The following CSMD1 variants were observed in gnomAD, a reference collection of about 807,000 sequenced individuals.
CSMD1 encodes CUB and sushi domain-containing protein 1.
CSMD1 carries 213 observed loss-of-function variants against 417.5 expected under a neutral mutation model. That is an observed-to-expected ratio of 0.51 (90% CI 0.46 to 0.57). CSMD1 has a LOEUF of 0.57. Among genes scored for constraint, CSMD1 ranks in the 20% least tolerant of loss-of-function variants. The pLI is 0.00. For missense variants in CSMD1, 6,923 were observed against 4,529.7 expected, an observed-to-expected ratio of 1.53 and a Z score of -15.17; for synonymous variants, 2,862 against 1,736.8, an observed-to-expected ratio of 1.65 and a Z score of -16.11.
intron 26 of CSMD1, among the ~76,000 whole-genome samples, chr8:3,267,541 G>A (rs994931616): frequency 1.9e-4 from 29 of 152,162 alleles, no homozygotes; most frequent in African/African-American, 6.8e-4. Flanking sequence ...GGCAGATGCT[G>A]GGCCAGGGAG....
intron 1 of CSMD1, among the ~76,000 whole-genome samples, chr8:4,874,689 T>C (rs1802940125): frequency 6.6e-6 from 1 of 151,942 alleles, no homozygotes; most frequent in African/African-American, 2.4e-5. Context: ...GTAGAATAGC[T>C]AACAGTGAAT....
chr8:4,922,303 T>C, intron 1 of CSMD1, among the ~76,000 whole-genome samples: 1 of 152,224 alleles, frequency 6.6e-6, no homozygotes, highest in Admixed American at 6.5e-5. Context: ...TCATTGATTC[T>C]TGTTACATAA....
intron 1 of CSMD1, chr8:4,788,718 T>C (rs1797538273): frequency 2.1e-6 from 1 of 472,414 alleles, no homozygotes; most frequent in Admixed American, 3.7e-5. Flanking sequence ...AATCAATGCT[T>C]CTCTAGATCC....
chr8:4,446,013 C>G (rs1191027655), intron 2 of CSMD1, among the ~76,000 whole-genome samples: 1 of 152,114 alleles, frequency 6.6e-6, no homozygotes, highest in Non-Finnish European at 1.5e-5. Flanking sequence ...CACCCTGACT[C>G]TGTGCCAACT....
chr8:3,875,874 C>T (rs932073897), intron 5 of CSMD1, among the ~76,000 whole-genome samples: 1 of 152,142 alleles, frequency 6.6e-6, no homozygotes, highest in African/African-American at 2.4e-5. Context: ...GAGTGTGTTC[C>T]AAACTTGGTA....
chr8:4,829,387 G>C (rs1018969636), intron 1 of CSMD1, among the ~76,000 whole-genome samples: 2 of 152,098 alleles, frequency 1.3e-5, no homozygotes, highest in Admixed American at 1.3e-4. Context: ...TAAAAACGTA[G>C]AGATACAAAG....
chr8:3,233,409 G>A (rs1004338239), intron 26 of CSMD1, among the ~76,000 whole-genome samples: 1 of 152,138 alleles, frequency 6.6e-6, no homozygotes, highest in African/African-American at 2.4e-5. Flanking sequence ...GTGGTCCCTC[G>A]ACCTTGGACT....
intron 3 of CSMD1, among the ~76,000 whole-genome samples, chr8:4,255,411 A>T (rs1803385138): frequency 6.6e-6 from 1 of 152,230 alleles, no homozygotes; most frequent in Non-Finnish European, 1.5e-5. Context: ...CAATATGCAA[A>T]CAGTAAAAAT....
chr8:3,782,913 A>C (rs1367469272), intron 5 of CSMD1, among the ~76,000 whole-genome samples: 1 of 152,170 alleles, frequency 6.6e-6, no homozygotes, highest in African/African-American at 2.4e-5. Flanking sequence ...AATAAATAAA[A>C]CTGTGGTTAA....
intron 26 of CSMD1, among the ~76,000 whole-genome samples, chr8:3,253,682 C>G (rs982700091): frequency 6.6e-6 from 1 of 152,112 alleles, no homozygotes; most frequent in Non-Finnish European, 1.5e-5. Flanking sequence ...TTGTAGGTCT[C>G]TAAGGACTTG....
chr8:4,570,789 G>A (rs1563296648), intron 2 of CSMD1, among the ~76,000 whole-genome samples: 1 of 152,234 alleles, frequency 6.6e-6, no homozygotes, highest in South Asian at 2.1e-4. Flanking sequence ...TTATTGTTTG[G>A]TAGGCTATTA....
intron 26 of CSMD1, among the ~76,000 whole-genome samples, chr8:3,272,988 G>T (rs890752950): frequency 6.6e-6 from 1 of 150,940 alleles, no homozygotes; most frequent in African/African-American, 2.4e-5. Context: ...AGTGGTGAGA[G>T]AGGGCATCCC....
intron 23 of CSMD1, among the ~76,000 whole-genome samples, chr8:3,314,411 G>T (rs1228509253): frequency 6.6e-6 from 1 of 151,990 alleles, no homozygotes; most frequent in African/African-American, 2.4e-5. Flanking sequence ...ACATACAGAA[G>T]GTATCCTTTT....
At chr8:3,241,968 C>T (rs931479548) in intron 26 of CSMD1, among the ~76,000 whole-genome samples, 4 of 132,440 alleles carry the variant, frequency 3.0e-5, no homozygotes, top group Non-Finnish European at 4.9e-5. Flanking sequence ...GAGAATAAGA[C>T]GGCCTTTTGA....
chr8:4,440,600 C>G (rs1356922025), intron 2 of CSMD1, among the ~76,000 whole-genome samples: 1 of 152,130 alleles, frequency 6.6e-6, no homozygotes, highest in Non-Finnish European at 1.5e-5. Flanking sequence ...AGCATTTTCT[C>G]TGGAAAGATA....
intron 12 of CSMD1, among the ~76,000 whole-genome samples, chr8:3,445,817 C>A (rs796066901): frequency 2.0e-5 from 3 of 152,214 alleles, no homozygotes; most frequent in African/African-American, 7.2e-5. Flanking sequence ...CACCCAAAGG[C>A]AACTGAGGGA....
intron 7 of CSMD1, among the ~76,000 whole-genome samples, chr8:3,654,468 C>T (rs2117404930): frequency 1.3e-5 from 2 of 152,216 alleles, no homozygotes; most frequent in East Asian, 3.9e-4. Flanking sequence ...GAAGAGGGTA[C>T]ACAGGAGCTT....
At chr8:3,157,857 T>G (rs1819631080) in intron 39 of CSMD1, 40 bp downstream of exon 39, 2 of 1,482,096 alleles carry the variant, frequency 1.3e-6, no homozygotes, top group East Asian at 2.5e-5. Context: ...TTCTTCCCAG[T>G]GTGTGCGCAG....
intron 18 of CSMD1, among the ~76,000 whole-genome samples, chr8:3,384,720 A>AATATATATTTATATAAATTATATAAATAT (rs10662888): frequency 3.4e-4 from 40 of 118,292 alleles, no homozygotes; most frequent in African/African-American, 9.5e-4. Flanking sequence ...ATATATTTAT[A>AATATATATTTATATAAATTATATAAATAT]ATATTTATAT....
Sources: gnomAD v4.1 joint callset for allele counts (sites outside exome capture counted in the v4.1 genomes callset) on GRCh38, gnomAD v4.1.1 for gene constraint, MANE v1.5 for transcripts, NCBI Gene and HGNC (gene_info 2026-07-23, HGNC 2026-07-21) for gene names.